The following HP1BP3 variants were observed in gnomAD, a reference collection of about 807,000 sequenced individuals.
The protein encoded by HP1BP3 is heterochromatin protein 1-binding protein 3.
A neutral mutation model predicts 62.5 loss-of-function variants in HP1BP3; 12 were observed. The observed-to-expected ratio is 0.19, with a 90% CI of 0.12 to 0.31. The LOEUF is 0.31. HP1BP3 is among the 10% of genes least tolerant of loss of function. The pLI, the probability that HP1BP3 is intolerant of heterozygous loss-of-function variation, is 1.00. For synonymous variants in HP1BP3, 260 were observed against 237.8 expected (o/e 1.09, Z -0.86); for missense variants, 502 against 651.8 (o/e 0.77, Z 2.50).
At chr1:20,776,835 G>A (rs766613129) in intron 3 of HP1BP3, 85 bp from the exon 4 acceptor site, 129 of 1,182,856 alleles carry the variant, frequency 1.1e-4, no homozygotes, top group Middle Eastern at 9.0e-4. Flanking sequence ...TTATTAAACG[G>A]ACCAGCCAAA....
chr1:20,776,535 C>A, intron 4 of HP1BP3, 62 bp downstream of exon 4: 2 of 1,415,448 alleles, frequency 1.4e-6, no homozygotes, highest in South Asian at 1.3e-5. Flanking sequence ...TTAAAACAAT[C>A]TAATCTAAAG....
chr1:20,761,248 T>A (rs1056529295), intron 8 of HP1BP3, among the ~76,000 whole-genome samples: 1 of 152,140 alleles, frequency 6.6e-6, no homozygotes, highest in Non-Finnish European at 1.5e-5. Context: ...GGTTTCACCA[T>A]GTTGGCCAGG....
At position 20,750,236 on chromosome 1, in the gene HP1BP3, C is replaced by T. The variant is rs567057810; in HGVS notation, c.982-354G>A. 1.3e-3 allele frequency: 229 copies of T among 171,578 alleles called. 1 individual carries two copies. Among genetic ancestry groups the T allele is most frequent in the Middle Eastern group, 8.5e-3 (3 of 352 alleles). The allele number at this position is 171,578 out of a possible 1,614,324, so 10.6% of individuals were successfully genotyped here. A position where few individuals can be genotyped will look rare whatever the true frequency, so the allele number is the denominator to read the frequency against. ...GGTGCTCACACCTATAGCCCCAGCACTTTGGGAGGCAGAGGCAGGCAGATC... is the reference window on the plus strand; with the variant it reads ...GGTGCTCACACCTATAGCCCCAGCATTTTGGGAGGCAGAGGCAGGCAGATC... On this transcript the variant is annotated intron_variant, in intron 9 of 12. Transcript: ENST00000438032.
chr1:20,765,211 T>C (rs1570620163), intron 8 of HP1BP3, among the ~76,000 whole-genome samples, 166 bp downstream of exon 8: 1 of 143,652 alleles, frequency 7.0e-6, no homozygotes, highest in South Asian at 2.2e-4. Flanking sequence ...TACATGGAGA[T>C]ATGAAAATAA....
At chr1:20,770,295 A>C (rs932313717) in intron 6 of HP1BP3, among the ~76,000 whole-genome samples, 2 of 152,152 alleles carry the variant, frequency 1.3e-5, no homozygotes, top group Non-Finnish European at 2.9e-5. Flanking sequence ...AAGGAAACAA[A>C]CCTAAGACAA....
chr1:20,763,497 T>G (rs1328432134), intron 8 of HP1BP3, among the ~76,000 whole-genome samples: 1 of 152,234 alleles, frequency 6.6e-6, no homozygotes, highest in Non-Finnish European at 1.5e-5. Flanking sequence ...CCTCAGCACT[T>G]CTAATTGCAT....
In HP1BP3 at chr1:20,743,431, AG is replaced by A. The variant is rs1419666379; in HGVS notation, c.*1365del. 3.3e-5 allele frequency: 5 copies of A among 152,212 alleles called. No individual in the cohort carries two copies. Among genetic ancestry groups the A allele is most frequent in the African/African-American group, 1.2e-4 (5 of 41,442 alleles). 9.4% of individuals were successfully genotyped at this position (152,212 alleles called of 1,614,324 possible). On this transcript the variant is annotated 3_prime_UTR_variant, in exon 13 of 13. Coordinates refer to ENST00000438032, the MANE Select transcript of HP1BP3 (RefSeq NM_001372052.1). Reference sequence around the variant, plus strand: ...GTAACCCCAGGATTTTGGGAGGCTGAGGTGAGTGGATCACGAGGTCAGGAGA... The same window carrying A: ...GTAACCCCAGGATTTTGGGAGGCTGAGTGAGTGGATCACGAGGTCAGGAGA...
chr1:20,748,775 A>C (rs990288570), intron 10 of HP1BP3, among the ~76,000 whole-genome samples: 4 of 151,996 alleles, frequency 2.6e-5, no homozygotes, highest in Non-Finnish European at 4.4e-5. Flanking sequence ...AAAAAAAAAA[A>C]GACTTCAAAA....
At chr1:20,765,681 C>T (rs894645035) in intron 7 of HP1BP3, 150 bp from the exon 8 acceptor site, 11 of 638,654 alleles carry the variant, frequency 1.7e-5, no homozygotes, top group Non-Finnish European at 2.9e-5. Flanking sequence ...ATTAAAAATA[C>T]ATATAAAAGC....
chr1:20,744,779 C>T lies in HP1BP3; in HGVS notation c.*18G>A, dbSNP rs760162752. ...AAGATTTTGAATTTCATCATGATAC[C>T]CTTTTTTCCTATAAAATTTACTTTT... On this transcript the variant is annotated 3_prime_UTR_variant, in exon 13 of 13. Transcript: ENST00000438032. 8.2e-6 allele frequency: 13 copies of T among 1,580,624 alleles called. No homozygotes were observed. In the East Asian group the frequency reaches 1.6e-4, roughly 19 times the overall value.
intron 11 of HP1BP3, 75 bp from the exon 12 acceptor site, chr1:20,745,731 TAC>T (rs2055277058): frequency 6.8e-7 from 1 of 1,467,098 alleles, no homozygotes; most frequent in Non-Finnish European, 9.4e-7. Flanking sequence ...TAGATGCTCT[TAC>T]CTGGACATAT....
In HP1BP3 at chr1:20,765,378, TG is replaced by T; in HGVS notation, c.888del (p.Arg297GlyfsTer5). 1 of 1,601,230 alleles carries T rather than the reference TG, an allele frequency of 6.2e-7. No homozygotes were observed. Among genetic ancestry groups the T allele is most frequent in the Non-Finnish European group, 8.5e-7 (1 of 1,174,894 alleles). On this transcript the variant is annotated frameshift_variant and splice_region_variant, in exon 8 of 13. Coordinates refer to ENST00000438032, the MANE Select transcript of HP1BP3 (RefSeq NM_001372052.1). LOFTEE classifies it high-confidence loss of function. ...AAAGGCCAGGCCAATGGCTCATACCTGATGTCCACTCTAAGCTTAGGATAAT... is the reference window on the plus strand; with the variant it reads ...AAAGGCCAGGCCAATGGCTCATACCTATGTCCACTCTAAGCTTAGGATAAT... Reference protein sequence around the residue: ...SQYYPKLRVDIRPQLLKNALQ... With the variant: ...SQYYPKLRVDXRPQLLKNALQ...
chr1:20,786,711 CCA>C (rs1355316837), intron 1 of HP1BP3: 1 of 152,306 alleles, frequency 6.6e-6, no homozygotes, highest in East Asian at 1.9e-4. Context: ...CCCGCCGCAG[CCA>C]GTCACCGCCG....
In HP1BP3 at chr1:20,773,380, T is replaced by C; in HGVS notation, c.510+71A>G. ...AAGATTTATGATGTCTAGACAGATA[T>C]ATGCCATTTTCAAATAAGAAAAAAA... On this transcript the variant is annotated intron_variant, in intron 5 of 12. Coordinates refer to ENST00000438032, the MANE Select transcript of HP1BP3 (RefSeq NM_001372052.1). 6.7e-6 allele frequency: 9 copies of C among 1,351,308 alleles called. No individual in the cohort carries two copies. In the South Asian group the frequency reaches 9.9e-5, roughly 15 times the overall value. The allele number at this position is 1,351,308 out of a possible 1,614,324, so 83.7% of individuals were successfully genotyped here.
intron 4 of HP1BP3, chr1:20,776,206 A>G: frequency 2.1e-6 from 1 of 479,120 alleles, no homozygotes; most frequent in Non-Finnish European, 3.6e-6. Context: ...AAGCACACAA[A>G]AACAACCCAC....
chr1:20,759,209 T>C (rs1190631614), intron 8 of HP1BP3, among the ~76,000 whole-genome samples: 1 of 152,216 alleles, frequency 6.6e-6, no homozygotes, highest in Non-Finnish European at 1.5e-5. Context: ...GACACCAGCT[T>C]GACCAACATG....
chr1:20,776,400 G>A (rs553505615), intron 4 of HP1BP3, 197 bp downstream of exon 4: 378 of 506,472 alleles, frequency 7.5e-4, no homozygotes, highest in Non-Finnish European at 1.2e-3. Flanking sequence ...TCAAACCATT[G>A]TGTTCTGCTA....
intron 10 of HP1BP3, among the ~76,000 whole-genome samples, chr1:20,749,330 T>C (rs2055552844): frequency 6.6e-6 from 1 of 151,796 alleles, no homozygotes; most frequent in Non-Finnish European, 1.5e-5. Flanking sequence ...ATTAATAGCA[T>C]GATCTCTATG....
At chr1:20,767,749 TAATGTA>T in intron 6 of HP1BP3, 85 bp from the exon 7 acceptor site, 1 of 781,682 alleles carries the variant, frequency 1.3e-6, no homozygotes. Flanking sequence ...ATGCAAGAGC[TAATGTA>T]AAGTGGTGTT....
Sources: gnomAD v4.1 joint callset for allele counts (sites outside exome capture counted in the v4.1 genomes callset) on GRCh38, gnomAD v4.1.1 for gene constraint, MANE v1.5 for transcripts, NCBI Gene and HGNC (gene_info 2026-07-23, HGNC 2026-07-21) for gene names.